Variants in STK33 observed in about 807,000 individuals in gnomAD.
STK33 encodes serine/threonine kinase 33.
Under a neutral mutation model 58.0 loss-of-function variants are expected in STK33, and 52 were observed. The observed-to-expected ratio is 0.90, with a 90% CI of 0.72 to 1.13. The LOEUF (loss-of-function observed/expected upper bound fraction) is 1.13. Among genes scored for constraint, STK33 ranks in the 50% most tolerant of loss-of-function variants. The pLI, the probability that STK33 is intolerant of heterozygous loss-of-function variation, is 0.00. For missense variants in STK33, 630 were observed against 604.2 expected (o/e 1.04, Z -0.45); for synonymous variants, 215 against 200.1 (o/e 1.07, Z -0.63).
chr11:8,336,341 T>G, the STK33 span, among the ~76,000 whole-genome samples: 1 of 152,078 alleles, frequency 6.6e-6, no homozygotes, highest in Admixed American at 6.5e-5. Context: ...GGTGGGACAA[T>G]GGCAGCACAA....
intron 1 of STK33, among the ~76,000 whole-genome samples, chr11:8,526,751 A>T (rs1242098829): frequency 6.6e-6 from 1 of 151,928 alleles, no homozygotes; most frequent in African/African-American, 2.4e-5. Flanking sequence ...TATATACACT[A>T]AAAACACACA....
intron 1 of STK33, among the ~76,000 whole-genome samples, chr11:8,540,398 T>A (rs967066183): frequency 7.3e-5 from 11 of 151,640 alleles, no homozygotes; most frequent in African/African-American, 2.7e-4. Flanking sequence ...GGTGGGAGGA[T>A]CCCCTAAGTC....
At chr11:8,403,864 C>A (rs1362169442) in intron 15 of STK33, among the ~76,000 whole-genome samples, 1 of 152,196 alleles carries the variant, frequency 6.6e-6, no homozygotes, top group Non-Finnish European at 1.5e-5. Context: ...GGATGCAAAA[C>A]CTGTAAGCTC....
chr11:8,489,259 AAAAAAAAAAAAAG>A (rs1482531324), intron 1 of STK33, among the ~76,000 whole-genome samples: 1 of 104,456 alleles, frequency 9.6e-6, no homozygotes, highest in East Asian at 2.9e-4. Flanking sequence ...GCTATCTCCA[AAAAAAAAAAAAAG>A]AAAAAAAAAA....
At chr11:8,359,240 G>C in the STK33 span, among the ~76,000 whole-genome samples, 2 of 152,184 alleles carry the variant, frequency 1.3e-5, no homozygotes, top group Non-Finnish European at 2.9e-5. Flanking sequence ...TCTTGAGTGG[G>C]GCAGAAGACT....
At chr11:8,350,595 G>C in the STK33 span, among the ~76,000 whole-genome samples, 1 of 152,306 alleles carries the variant, frequency 6.6e-6, no homozygotes, top group African/African-American at 2.4e-5. Flanking sequence ...TCTTGCACTA[G>C]AAGGCTCTGA....
chr11:8,413,408 A>T, intron 15 of STK33, 87 bp downstream of exon 15: 1 of 1,425,640 alleles, frequency 7.0e-7, no homozygotes, highest in Non-Finnish European at 9.7e-7. Context: ...CAAACTAACA[A>T]CAAAAAGACA....
At chr11:8,454,592 C>T in intron 10 of STK33, 152 bp downstream of exon 10, 1 of 865,848 alleles carries the variant, frequency 1.2e-6, no homozygotes, top group Non-Finnish European at 1.6e-6. Context: ...TTGTCAGTTA[C>T]AACCTCTTGT....
chr11:8,471,950 A>C (rs1178314027), intron 6 of STK33, among the ~76,000 whole-genome samples: 1 of 152,128 alleles, frequency 6.6e-6, no homozygotes, highest in Non-Finnish European at 1.5e-5. Context: ...TTTGGAGACA[A>C]GGTCTCACTC....
At chr11:8,561,794 A>G (rs905454053) in intron 1 of STK33, among the ~76,000 whole-genome samples, 3 of 152,240 alleles carry the variant, frequency 2.0e-5, no homozygotes, top group African/African-American at 7.2e-5. Flanking sequence ...AGTACCTCAT[A>G]TAACTTTAGG....
intron 1 of STK33, among the ~76,000 whole-genome samples, chr11:8,589,619 C>T (rs1288471909): frequency 3.9e-5 from 6 of 151,904 alleles, no homozygotes; most frequent in Non-Finnish European, 7.4e-5. Flanking sequence ...AACTAGTGTG[C>T]ACTTTAAAAG....
chr11:8,371,266 A>C, the STK33 span, among the ~76,000 whole-genome samples: 1 of 152,084 alleles, frequency 6.6e-6, no homozygotes, highest in African/African-American at 2.4e-5. Flanking sequence ...TGGTGTCCTT[A>C]GAGGAAGAGG....
At chr11:8,464,578 C>T in intron 7 of STK33, 131 bp downstream of exon 7, 1 of 509,632 alleles carries the variant, frequency 2.0e-6, no homozygotes, top group Non-Finnish European at 3.4e-6. Context: ...TGCCACGCTT[C>T]TCTGGGGGAT....
At position 8,587,416 on chromosome 11, in the gene STK33, C is replaced by T. The variant is rs908652824; in HGVS notation, c.-466+6667G>A. On this transcript the variant is annotated intron_variant, in intron 1 of 15. Coordinates refer to ENST00000687296, the MANE Select transcript of STK33 (RefSeq NM_001352389.2). ...TAGAAATGCAGGACCAAAATTTGAACCCAGGTGAGCCTGAGCTCACCAATC... is the reference window on the plus strand; with the variant it reads ...TAGAAATGCAGGACCAAAATTTGAATCCAGGTGAGCCTGAGCTCACCAATC... Among the ~76,000 whole-genome samples the T allele has an allele frequency of 2.0e-5, 3 of 152,120 alleles. No homozygotes were observed. The South Asian group carries it at 6.2e-4, about 32-fold the overall frequency.
chr11:8,335,867 C>G, the STK33 span, among the ~76,000 whole-genome samples: 1 of 152,216 alleles, frequency 6.6e-6, no homozygotes, highest in African/African-American at 2.4e-5. Context: ...CAGCACAGCT[C>G]AATTCCTACG....
chr11:8,498,046 G>A (rs1055701592), intron 1 of STK33, among the ~76,000 whole-genome samples: 1 of 151,914 alleles, frequency 6.6e-6, no homozygotes, highest in Admixed American at 6.6e-5. Context: ...GAAATACAAG[G>A]TAGGTTCAAC....
the STK33 span, among the ~76,000 whole-genome samples, chr11:8,347,176 C>G: frequency 2.6e-5 from 4 of 152,258 alleles, no homozygotes; most frequent in Admixed American, 1.3e-4. Flanking sequence ...ATTCAACTTC[C>G]TACTTCCTAA....
Position 8,435,573 on chromosome 11 carries a change from C to T in STK33, c.1067G>A (p.Ser356Asn), listed in dbSNP as rs1157804101. Residue 356 changes from serine to asparagine, a missense_variant, in exon 14 of 16, where the codon AGT (serine) becomes AAT (asparagine). Transcript: ENST00000687296. ...TACTTTCATAAGTTGTTTCAAAACACTTTTAGCTAAAAATAAGAAAAAAAT... is the reference window on the plus strand; with the variant it reads ...TACTTTCATAAGTTGTTTCAAAACATTTTTAGCTAAAAATAAGAAAAAAAT... ...VWNSISDCAKSVLKQLMKVDP... is the reference protein window; with the variant it reads ...VWNSISDCAKNVLKQLMKVDP... 6.7e-7 allele frequency: 1 copy of T among 1,487,100 alleles called. No homozygotes were observed. Among genetic ancestry groups the T allele is most frequent in the Admixed American group, 2.0e-5 (1 of 49,650 alleles). The allele number at this position is 1,487,100 out of a possible 1,614,324, so 92.1% of individuals were successfully genotyped here.
chr11:8,378,159 A>C, the STK33 span, among the ~76,000 whole-genome samples: 1 of 152,226 alleles, frequency 6.6e-6, no homozygotes, highest in Admixed American at 6.5e-5. Flanking sequence ...TCATGATGGA[A>C]GGAGAAGCAA....
Sources: gnomAD v4.1 joint callset for allele counts (sites outside exome capture counted in the v4.1 genomes callset) on GRCh38, gnomAD v4.1.1 for gene constraint, MANE v1.5 for transcripts, NCBI Gene and HGNC (gene_info 2026-07-23, HGNC 2026-07-21) for gene names.